PCDHA3: variants seen among roughly 807,000 people sequenced by gnomAD.
PCDHA3 encodes protocadherin alpha 3, also known as protocadherin alpha-3.
PCDHA3 carries 41 observed loss-of-function variants against 62.2 expected under a neutral mutation model. The ratio of observed to expected loss-of-function variants is 0.66; its 90% CI spans 0.51 to 0.86. PCDHA3 has a LOEUF of 0.86. PCDHA3 is among the 40% of genes least tolerant of loss of function. The pLI is 0.00. For missense variants in PCDHA3, 1,304 were observed against 1,241.2 expected (o/e 1.05, Z -0.76); for synonymous variants, 640 against 555.4 (o/e 1.15, Z -2.14).
Position 140,803,034 on chromosome 5 carries a change from C to A in PCDHA3, c.1837C>A (p.Pro613Thr). ...CGCGTGGCTTTCGTATGAGCTGCAG[C>A]CTGGGACCGGCGGTGCGCGCATCCC... ...YNAWLSYELQ[P>T]GTGGARIPFR... Residue 613 changes from proline to threonine, a missense_variant, in exon 1 of 4, where the codon CCT becomes ACT. By Grantham distance (38) the Pro-to-Thr change is conservative (BLOSUM62 -1). Coordinates refer to ENST00000522353, the MANE Select transcript of PCDHA3 (RefSeq NM_018906.3). 6.2e-7 allele frequency: 1 copy of A among 1,614,030 alleles called. No individual in the cohort carries two copies. Among genetic ancestry groups the A allele is most frequent in the Non-Finnish European group, 8.5e-7 (1 of 1,179,936 alleles).
chr5:140,942,435 A>G (rs1258382123), intron 1 of PCDHA3, among the ~76,000 whole-genome samples: 2 of 152,114 alleles, frequency 1.3e-5, no homozygotes, highest in East Asian at 3.9e-4. Flanking sequence ...ATCTAACAAT[A>G]AACAAGTAAA....
chr5:140,817,270 G>T (rs1163288227), intron 1 of PCDHA3: 1 of 152,194 alleles, frequency 6.6e-6, no homozygotes, highest in African/African-American at 2.4e-5. Context: ...TGTTTGAATG[G>T]AACTGTGCTG....
intron 1 of PCDHA3, chr5:140,864,741 C>T (rs1031120106): frequency 1.1e-4 from 17 of 151,978 alleles, no homozygotes; most frequent in Admixed American, 3.3e-4. Flanking sequence ...CTTTGAGCAC[C>T]GATTATACTC....
In PCDHA3 at chr5:140,998,789, C is replaced by T. The variant is rs920510450; in HGVS notation, c.2543-10838C>T. On this transcript the variant is annotated intron_variant, in intron 3 of 3. Transcript: ENST00000522353. ...ATGTTGGTCAGGCTGGTCTGGAACC[C>T]CTGACCTCAGGTGATCTGCCTGCCT... 4.6e-5 allele frequency among the ~76,000 whole-genome samples: 7 copies of T among 152,118 alleles called. 1 individual carries two copies. Among genetic ancestry groups the T allele is most frequent in the Admixed American group, 2.6e-4 (4 of 15,262 alleles).
intron 1 of PCDHA3, among the ~76,000 whole-genome samples, chr5:140,909,546 A>T (rs1322878685): frequency 6.6e-6 from 1 of 152,180 alleles, no homozygotes; most frequent in African/African-American, 2.4e-5. Flanking sequence ...TGATGGTGGC[A>T]CTAATCTCTG....
Position 141,001,288 on chromosome 5 carries a change from C to T in PCDHA3, c.2543-8339C>T, listed in dbSNP as rs147786395. 2.9e-3 allele frequency among the ~76,000 whole-genome samples: 438 copies of T among 152,218 alleles called. 7 individuals are homozygous for T. The East Asian group carries it at 0.044, about 15-fold the overall frequency. ...TATGAACTTTTTTTACGGATGAAAACTGAGGCCCAGAGATATGAAATAATT... is the reference window on the plus strand; with the variant it reads ...TATGAACTTTTTTTACGGATGAAAATTGAGGCCCAGAGATATGAAATAATT... On this transcript the variant is annotated intron_variant, in intron 3 of 3. Transcript: ENST00000522353.
At chr5:140,923,659 G>A in intron 1 of PCDHA3, among the ~76,000 whole-genome samples, 1 of 152,224 alleles carries the variant, frequency 6.6e-6, no homozygotes, top group East Asian at 1.9e-4. Context: ...CTTATCTTTG[G>A]GATATCGTTC....
chr5:140,824,314 T>A (rs986796925), intron 1 of PCDHA3: 2 of 754,514 alleles, frequency 2.7e-6, no homozygotes, highest in African/African-American at 1.8e-5. Context: ...AATAGATTCA[T>A]CAGCTTTCTG....
chr5:140,917,058 C>T (rs1028478613), intron 1 of PCDHA3, among the ~76,000 whole-genome samples: 4 of 152,072 alleles, frequency 2.6e-5, no homozygotes, highest in Non-Finnish European at 5.9e-5. Context: ...TTCCCTGCTA[C>T]GACAGCACCG....
intron 1 of PCDHA3, chr5:140,823,604 T>G: frequency 5.6e-6 from 9 of 1,613,998 alleles, no homozygotes; most frequent in Non-Finnish European, 7.6e-6. Context: ...TCGTATGAGC[T>G]GCAGCCAGCG....
chr5:140,801,381 C>T lies in PCDHA3; in HGVS notation c.184C>T (p.Arg62Cys). The change falls in exon 1 of 4, where the codon CGC (arginine) becomes TGC (cysteine). Residue 62 changes from arginine (R) to cysteine (C), a missense_variant. Physicochemically the swap from Arg to Cys is radical, Grantham distance 180. Transcript: ENST00000522353. ...LGLELAELVP[R>C]LFRVASKRHG... ...GCTGGAGCTGGCGGAGCTGGTGCCG[C>T]GCCTGTTCCGGGTGGCGTCCAAAAG... 6.2e-7 allele frequency: 1 copy of T among 1,613,546 alleles called. No individual in the cohort carries two copies. The highest frequency in any genetic ancestry group is 1.3e-5 in the African/African-American group (1 of 75,042).
intron 1 of PCDHA3, among the ~76,000 whole-genome samples, chr5:140,844,419 T>C (rs1779369734): frequency 6.7e-6 from 1 of 149,576 alleles, no homozygotes; most frequent in South Asian, 2.1e-4. Flanking sequence ...AGACATGTTT[T>C]TTATTCTACA....
Position 141,010,424 on chromosome 5 carries a change from C to A in PCDHA3, c.*487C>A. ...CTTAGACTAATTGGTACAAGGAAGGCAAGAAAACAAAGACAAATAAACAGC... is the reference window on the plus strand; with the variant it reads ...CTTAGACTAATTGGTACAAGGAAGGAAAGAAAACAAAGACAAATAAACAGC... On this transcript the variant is annotated 3_prime_UTR_variant, in exon 4 of 4. Transcript: ENST00000522353. The A allele has an allele frequency of 9.0e-7, 1 of 1,113,698 alleles. No homozygotes were observed. The highest frequency in any genetic ancestry group is 1.2e-6 in the Non-Finnish European group (1 of 808,116). 69.0% of individuals were successfully genotyped at this position (1,113,698 alleles called of 1,614,324 possible). A position where few individuals can be genotyped will look rare whatever the true frequency, so the allele number is the denominator to read the frequency against.
intron 1 of PCDHA3, among the ~76,000 whole-genome samples, chr5:140,933,379 G>A (rs1403607512): frequency 6.6e-6 from 1 of 151,928 alleles, no homozygotes; most frequent in East Asian, 1.9e-4. Flanking sequence ...TTCCTTGGCT[G>A]TTCCTAGAGC....
chr5:140,826,326 G>A (rs1364617796), intron 1 of PCDHA3, among the ~76,000 whole-genome samples: 1 of 151,980 alleles, frequency 6.6e-6, no homozygotes. Context: ...ATTGTTTTTG[G>A]TTAAGAAATT....
At chr5:140,803,627 T>A (rs782685933) in intron 1 of PCDHA3, 36 bp downstream of exon 1, 6 of 1,613,846 alleles carry the variant, frequency 3.7e-6, no homozygotes, top group Non-Finnish European at 5.1e-6. Flanking sequence ...CAAAATGTCT[T>A]TGTTTTTCAT....
chr5:140,837,740 G>T (rs1328705494), intron 1 of PCDHA3, among the ~76,000 whole-genome samples: 2 of 151,462 alleles, frequency 1.3e-5, no homozygotes, highest in Non-Finnish European at 2.9e-5. Flanking sequence ...GCAGTGGTGG[G>T]ATTATAGCCC....
chr5:140,834,584 G>C (rs2150221913), intron 1 of PCDHA3: 1 of 1,614,122 alleles, frequency 6.2e-7, no homozygotes, highest in Non-Finnish European at 8.5e-7. Flanking sequence ...TCCGGGCGGT[G>C]TGCAAATTCC....
intron 1 of PCDHA3, among the ~76,000 whole-genome samples, chr5:140,892,640 T>C (rs1250881102): frequency 2.0e-5 from 3 of 152,208 alleles, no homozygotes; most frequent in Non-Finnish European, 4.4e-5. Flanking sequence ...ATTGTACATA[T>C]TTATAGGATA....
Sources: gnomAD v4.1 joint callset for allele counts (sites outside exome capture counted in the v4.1 genomes callset) on GRCh38, gnomAD v4.1.1 for gene constraint, MANE v1.5 for transcripts, NCBI Gene and HGNC (gene_info 2026-07-23, HGNC 2026-07-21) for gene names.